The following MERTK variants were observed in gnomAD, a reference collection of about 807,000 sequenced individuals.
MERTK encodes MER proto-oncogene, tyrosine kinase, also known as tyrosine-protein kinase Mer.
Under a neutral mutation model 99.3 loss-of-function variants are expected in MERTK, and 69 were observed. The observed-to-expected ratio is 0.70, with a 90% CI of 0.57 to 0.85. The LOEUF (loss-of-function observed/expected upper bound fraction) is 0.85, where lower values mean the gene tolerates loss of function less well. Ranked by LOEUF, MERTK falls within the 40% of genes least tolerant of loss-of-function variation. The pLI is 0.00. For missense variants in MERTK, 1,125 were observed against 1,249.4 expected (o/e 0.90, Z 1.50); for synonymous variants, 426 against 467.6 (o/e 0.91, Z 1.15).
intron 11 of MERTK, 50 bp from the exon 12 acceptor site, chr2:112,003,042 A>T (rs765980916): frequency 2.4e-6 from 2 of 837,692 alleles, no homozygotes; most frequent in Non-Finnish European, 4.2e-6. Flanking sequence ...TATCAAGTGA[A>T]AGAAAACACG....
At chr2:111,926,390 T>A (rs932019348) in intron 1 of MERTK, among the ~76,000 whole-genome samples, 2 of 151,790 alleles carry the variant, frequency 1.3e-5, no homozygotes, top group Non-Finnish European at 2.9e-5. Context: ...CACAGATGAG[T>A]GTGCCCACCC....
intron 2 of MERTK, among the ~76,000 whole-genome samples, chr2:111,934,672 G>A (rs1043040055): frequency 2.0e-5 from 3 of 152,108 alleles, no homozygotes; most frequent in Non-Finnish European, 4.4e-5. Flanking sequence ...TAGGTTGCCT[G>A]CTCACTCTGA....
Position 111,947,471 on chromosome 2 carries a change from G to C in MERTK, c.661G>C (p.Val221Leu), listed in dbSNP as rs376228438. 6.2e-7 allele frequency: 1 copy of C among 1,614,186 alleles called. No homozygotes were observed. Among genetic ancestry groups the C allele is most frequent in the South Asian group, 1.1e-5 (1 of 91,080 alleles). The change falls in exon 4 of 19, where the codon GTG becomes CTG. Residue 221 changes from valine to leucine, a missense_variant. Coordinates refer to ENST00000295408, the MANE Select transcript of MERTK (RefSeq NM_006343.3). ...AGCCTTCAACCTCACCTGTCAGGCT[G>C]TGGGCCCGCCTGAGCCCGTCAACAT... Reference protein sequence around the residue: ...NTAFNLTCQAVGPPEPVNIFW... With the variant: ...NTAFNLTCQALGPPEPVNIFW...
intron 2 of MERTK, among the ~76,000 whole-genome samples, chr2:111,930,795 C>T (rs151186830): frequency 7.9e-5 from 12 of 152,306 alleles, no homozygotes; most frequent in Non-Finnish European, 1.6e-4. Flanking sequence ...ATGCTGCAGA[C>T]GGGCAGGTAG....
intron 7 of MERTK, among the ~76,000 whole-genome samples, chr2:111,979,757 A>C (rs2104738203): frequency 6.6e-6 from 1 of 151,760 alleles, no homozygotes; most frequent in South Asian, 2.1e-4. Context: ...AGTTTTTTTC[A>C]TTGAAAATTT....
At chr2:111,992,750 CA>C (rs35097651) in intron 8 of MERTK, among the ~76,000 whole-genome samples, 40,710 of 104,182 alleles carry the variant, frequency 0.39, 5,553 homozygotes, top group Middle Eastern at 0.51. Flanking sequence ...GACTCCGTCT[CA>C]AAAAAAAAAA....
chr2:111,978,333 G>A (rs1676296708), intron 7 of MERTK, among the ~76,000 whole-genome samples: 1 of 152,034 alleles, frequency 6.6e-6, no homozygotes, highest in Admixed American at 6.6e-5. Flanking sequence ...ATTTTTAGTA[G>A]AGATGGGGTT....
intron 5 of MERTK, among the ~76,000 whole-genome samples, chr2:111,967,018 G>T (rs886417100): frequency 6.6e-6 from 1 of 152,188 alleles, no homozygotes; most frequent in African/African-American, 2.4e-5. Context: ...ATTTATAGAG[G>T]AGACAACTGT....
At chr2:111,938,289 G>A (rs995040175) in intron 2 of MERTK, among the ~76,000 whole-genome samples, 1 of 151,872 alleles carries the variant, frequency 6.6e-6, no homozygotes, top group Non-Finnish European at 1.5e-5. Flanking sequence ...TAGAGACAGG[G>A]TTTTGCCATG....
intron 8 of MERTK, among the ~76,000 whole-genome samples, chr2:111,991,727 G>A (rs1050697421): frequency 6.6e-6 from 1 of 152,046 alleles, no homozygotes; most frequent in Non-Finnish European, 1.5e-5. Context: ...GATATACTGT[G>A]TGTCTGGTTG....
intron 1 of MERTK, among the ~76,000 whole-genome samples, chr2:111,904,787 C>T (rs1358569395): frequency 1.3e-5 from 2 of 152,254 alleles, no homozygotes; most frequent in African/African-American, 4.8e-5. Context: ...CGTGTACAGG[C>T]GTGAGTATGT....
Position 112,025,837 on chromosome 2 carries a change from C to T in MERTK, c.2487-2514C>T, listed in dbSNP as rs866590073. 1.0e-3 allele frequency among the ~76,000 whole-genome samples: 153 copies of T among 152,164 alleles called. 1 individual carries two copies. Among genetic ancestry groups the T allele is most frequent in the African/African-American group, 3.6e-3 (148 of 41,424 alleles). On this transcript the variant is annotated intron_variant, in intron 18 of 18. Transcript: ENST00000295408. ...ACATAAAATGTACTCTTAACCAGTG[C>T]GTACAGCTCAGTGGCGTGAAGTACA...
At chr2:111,977,585 ATTTG>A (rs1339953891) in intron 7 of MERTK, among the ~76,000 whole-genome samples, 1 of 152,094 alleles carries the variant, frequency 6.6e-6, no homozygotes, top group African/African-American at 2.4e-5. Context: ...GGGTCTCTGT[ATTTG>A]TTGTTTACAT....
intron 13 of MERTK, among the ~76,000 whole-genome samples, chr2:112,004,832 G>A (rs920575796): frequency 6.6e-6 from 1 of 151,208 alleles, no homozygotes; most frequent in Non-Finnish European, 1.5e-5. Flanking sequence ...AACTCGGGAG[G>A]CGGAAGTTGC....
In MERTK at chr2:111,913,087, G is replaced by T. The variant is rs1034856523; in HGVS notation, c.61+14291G>T. The T allele has an allele frequency of 6.1e-6, 6 of 985,046 alleles. No homozygotes were observed. In the African/African-American group the frequency reaches 1.0e-4, roughly 17 times the overall value. 61.0% of individuals were successfully genotyped at this position (985,046 alleles called of 1,614,324 possible). On this transcript the variant is annotated intron_variant, in intron 1 of 18. Coordinates refer to ENST00000295408, the MANE Select transcript of MERTK (RefSeq NM_006343.3). Reference sequence around the variant, plus strand: ...TCTGTGTGGGTTGATACAGGTACTGGGTCCTTTGCTTTTTACCCAGTAGAA... The same window carrying T: ...TCTGTGTGGGTTGATACAGGTACTGTGTCCTTTGCTTTTTACCCAGTAGAA...
At chr2:112,021,853 T>C (rs1035881008) in intron 17 of MERTK, among the ~76,000 whole-genome samples, 1 of 152,200 alleles carries the variant, frequency 6.6e-6, no homozygotes, top group Non-Finnish European at 1.5e-5. Flanking sequence ...GATGACTCAT[T>C]GCCCACAACT....
chr2:111,950,711 A>T (rs1307223083), intron 4 of MERTK, among the ~76,000 whole-genome samples: 2 of 152,210 alleles, frequency 1.3e-5, no homozygotes, highest in Non-Finnish European at 2.9e-5. Context: ...CTTATTAATC[A>T]GTCATGTCTC....
chr2:111,995,525 A>G (rs1188830905), intron 9 of MERTK: 1 of 188,410 alleles, frequency 5.3e-6, no homozygotes, highest in East Asian at 1.9e-4. Flanking sequence ...GTGACACTGA[A>G]ACTTGCTCTC....
chr2:111,924,346 GCT>G (rs757501873), intron 1 of MERTK, among the ~76,000 whole-genome samples: 4 of 152,154 alleles, frequency 2.6e-5, no homozygotes, highest in Non-Finnish European at 5.9e-5. Flanking sequence ...CGAGCCACCA[GCT>G]GTCCACTCCT....
Sources: gnomAD v4.1 joint callset for allele counts (sites outside exome capture counted in the v4.1 genomes callset) on GRCh38, gnomAD v4.1.1 for gene constraint, MANE v1.5 for transcripts, NCBI Gene and HGNC (gene_info 2026-07-23, HGNC 2026-07-21) for gene names.